Variants in MGA observed in about 807,000 individuals in gnomAD.
The protein encoded by MGA is MAX dimerization protein MGA.
Under a neutral mutation model 261.1 loss-of-function variants are expected in MGA, and 40 were observed. The observed-to-expected ratio is 0.15, with a 90% CI of 0.12 to 0.20. The LOEUF (loss-of-function observed/expected upper bound fraction) is 0.20. Ranked by LOEUF, MGA falls within the 10% of genes least tolerant of loss-of-function variation. MGA has a pLI of 1.00. For synonymous variants in MGA, 1,302 were observed against 1,290.6 expected, an observed-to-expected ratio of 1.01 and a Z score of -0.19; for missense variants, 3,397 against 3,630.5, an observed-to-expected ratio of 0.94 and a Z score of 1.65.
At chr15:41,686,004 CA>C (rs34711774) in intron 2 of MGA, among the ~76,000 whole-genome samples, 43,361 of 129,028 alleles carry the variant, frequency 0.34, 6,677 homozygotes, top group Admixed American at 0.41. Context: ...GACTCTGTCT[CA>C]AAAAAAAAAA....
At chr15:41,743,301 A>G (rs914911598) in intron 15 of MGA, 129 bp downstream of exon 15, 7 of 1,188,596 alleles carry the variant, frequency 5.9e-6, no homozygotes, top group East Asian at 2.6e-5. Context: ...TGATACATGT[A>G]TTCCTGAAAA....
intron 2 of MGA, chr15:41,691,549 T>C: frequency 2.5e-6 from 1 of 406,374 alleles, no homozygotes; most frequent in Admixed American, 2.6e-5. Context: ...ATCATCCTGA[T>C]AGAATCTCTA....
At chr15:41,704,627 CAGCCTGGGTGACAG>C (rs1193036301) in intron 5 of MGA, among the ~76,000 whole-genome samples, 1 of 152,140 alleles carries the variant, frequency 6.6e-6, no homozygotes, top group Non-Finnish European at 1.5e-5. Flanking sequence ...CACTGCACTC[CAGCCTGGGTGACAG>C]AGCAAGACTC....
chr15:41,651,741 CT>C, intron 1 of MGA, among the ~76,000 whole-genome samples: 1 of 76,726 alleles, frequency 1.3e-5, no homozygotes, highest in African/African-American at 5.3e-5. Flanking sequence ...TCCCCTTCCC[CT>C]CTTCCTTCCC....
chr15:41,718,043 A>C (rs1304907086), intron 9 of MGA, among the ~76,000 whole-genome samples: 2 of 151,554 alleles, frequency 1.3e-5, no homozygotes, highest in African/African-American at 4.8e-5. Context: ...AATGTTCTAA[A>C]TTATGGTGAC....
At chr15:41,660,217 G>A (rs2057306028), upstream of MGA, among the ~76,000 whole-genome samples, 2 of 152,216 alleles carry the variant, frequency 1.3e-5, no homozygotes. Flanking sequence ...AGGCTTTTCT[G>A]GGTTGCAGGG....
At chr15:41,656,860 T>C (rs2065789088), upstream of MGA, among the ~76,000 whole-genome samples, 1 of 152,300 alleles carries the variant, frequency 6.6e-6, no homozygotes, top group African/African-American at 2.4e-5. Flanking sequence ...CACTGTAGCC[T>C]CGACCTCCTG....
intron 4 of MGA, 61 bp from the exon 5 acceptor site, chr15:41,699,003 C>T: frequency 1.3e-6 from 2 of 1,549,068 alleles, no homozygotes; most frequent in Admixed American, 1.9e-5. Flanking sequence ...ATGAAACATG[C>T]AACATTCATT....
At position 41,736,467 on chromosome 15, in the gene MGA, A is replaced by G. The variant is rs767042311; in HGVS notation, c.4203A>G (p.Ser1401=). The change falls in exon 13 of 24, where the codon TCA becomes TCG. Residue 1401 remains serine, a synonymous_variant. Coordinates refer to ENST00000219905, the MANE Select transcript of MGA (RefSeq NM_001164273.2). ...CTCGTGTGAAAATCTCTATGCCATCATGTCAAGACCAAGATGATATGGCTG... is the reference window on the plus strand; with the variant it reads ...CTCGTGTGAAAATCTCTATGCCATCGTGTCAAGACCAAGATGATATGGCTG... The G allele has an allele frequency of 6.2e-7, 1 of 1,614,056 alleles. No individual in the cohort carries two copies.
upstream of MGA, among the ~76,000 whole-genome samples, chr15:41,656,257 G>A (rs2057167441): frequency 6.6e-6 from 1 of 151,728 alleles, no homozygotes; most frequent in Non-Finnish European, 1.5e-5. Context: ...ATCTTCTTAG[G>A]CAAGGGTGAG....
chr15:41,695,509 C>T (rs1042105219), intron 2 of MGA, among the ~76,000 whole-genome samples: 2 of 152,144 alleles, frequency 1.3e-5, no homozygotes, highest in Non-Finnish European at 2.9e-5. Flanking sequence ...CTACCATATT[C>T]TCAAGATACA....
chr15:41,766,643 A>G lies in MGA; in HGVS notation c.8561A>G (p.Glu2854Gly), dbSNP rs1188775814. Residue 2854 changes from glutamate to glycine, a missense_variant, in exon 24 of 24, where the codon GAG (glutamate) becomes GGG (glycine). Around this residue, in one of 9 missense-constraint regions of MGA, gnomAD observed 647 missense variants for 642.4 expected, o/e 1.01. Coordinates refer to ENST00000219905, the MANE Select transcript of MGA (RefSeq NM_001164273.2). ...GAACTACCCAGCTCTATGGATACAG[A>G]GTTCCCAGGGGATGCTCGGCGGGCT... The G allele has an allele frequency of 6.2e-6, 10 of 1,614,016 alleles. No individual in the cohort carries two copies. The highest frequency in any genetic ancestry group is 8.5e-6 in the Non-Finnish European group (10 of 1,179,890).
chr15:41,735,597 C>T (rs901952096), intron 12 of MGA, among the ~76,000 whole-genome samples: 6 of 152,008 alleles, frequency 3.9e-5, no homozygotes, highest in African/African-American at 1.2e-4. Flanking sequence ...ATTAACTGGG[C>T]GTGGTGGCAC....
chr15:41,677,981 T>C (rs558136225), intron 2 of MGA, among the ~76,000 whole-genome samples: 2 of 152,308 alleles, frequency 1.3e-5, no homozygotes, highest in African/African-American at 2.4e-5. Context: ...TTTGATGTTA[T>C]GCTTAAGAAA....
At chr15:41,651,959 C>CTTTT (rs34626334) in intron 1 of MGA, among the ~76,000 whole-genome samples, 1 of 26,158 alleles carries the variant, frequency 3.8e-5, no homozygotes. Context: ...TTCCCCCCAC[C>CTTTT]TTTTTTTTTT....
chr15:41,654,133 G>C (rs2057120583), intron 1 of MGA, among the ~76,000 whole-genome samples: 1 of 152,248 alleles, frequency 6.6e-6, no homozygotes, highest in East Asian at 1.9e-4. Context: ...TTGGCAAAGT[G>C]ACTTATACTC....
chr15:41,655,717 T>C (rs1566935932), upstream of MGA, among the ~76,000 whole-genome samples: 1 of 152,310 alleles, frequency 6.6e-6, no homozygotes, highest in East Asian at 1.9e-4. Context: ...TCTCCTCAAG[T>C]GTCTGCCCTG....
chr15:41,651,013 G>A (rs1285676237), intron 1 of MGA, among the ~76,000 whole-genome samples: 2 of 152,172 alleles, frequency 1.3e-5, no homozygotes, highest in Admixed American at 6.5e-5. Context: ...AAGTCCAAGA[G>A]TATGGCACTG....
At chr15:41,675,528 C>T (rs922911793) in intron 2 of MGA, among the ~76,000 whole-genome samples, 2 of 152,090 alleles carry the variant, frequency 1.3e-5, no homozygotes, top group Non-Finnish European at 2.9e-5. Flanking sequence ...CATGCACCAC[C>T]ACGCCCAGTT....
Sources: gnomAD v4.1 joint callset for allele counts (sites outside exome capture counted in the v4.1 genomes callset) on GRCh38, gnomAD v4.1.1 for gene constraint, gnomAD v4.1.1 regional missense constraint, MANE v1.5 for transcripts, NCBI Gene and HGNC (gene_info 2026-07-23, HGNC 2026-07-21) for gene names.